PDE7A: variants seen among roughly 807,000 people sequenced by gnomAD.
The protein encoded by PDE7A is high affinity 3',5'-cyclic-AMP phosphodiesterase 7A.
Under a neutral mutation model 64.3 loss-of-function variants are expected in PDE7A, and 39 were observed. That is an observed-to-expected ratio of 0.61 (90% CI 0.47 to 0.79). The LOEUF is 0.79. Among genes scored for constraint, PDE7A ranks in the 30% least tolerant of loss-of-function variants. The pLI is 0.00. For missense variants in PDE7A, 470 were observed against 582.8 expected (o/e 0.81, Z 1.99); for synonymous variants, 203 against 206.8 (o/e 0.98, Z 0.16).
At chr8:65,744,655 G>C (rs1040529759) in intron 5 of PDE7A, among the ~76,000 whole-genome samples, 2 of 151,986 alleles carry the variant, frequency 1.3e-5, no homozygotes, top group African/African-American at 2.4e-5. Flanking sequence ...CTTTGGTCAG[G>C]AAACAGGCAT....
chr8:65,822,984 AAAAT>A lies in PDE7A; in HGVS notation c.138+18383_138+18386del, dbSNP rs948262595. 3.9e-5 allele frequency among the ~76,000 whole-genome samples: 6 copies of A among 152,298 alleles called. No individual in the cohort carries two copies. The East Asian group carries it at 9.6e-4, about 24-fold the overall frequency. ...ATCTATATACACAAACACTCTATGG[AAAAT>A]AAATAAAACTAGGATCAAAAAAATT... On this transcript the variant is annotated intron_variant, in intron 1 of 12. Transcript: ENST00000401827.
At chr8:65,769,835 G>A (rs1808991281) in intron 3 of PDE7A, among the ~76,000 whole-genome samples, 1 of 152,164 alleles carries the variant, frequency 6.6e-6, no homozygotes, top group African/African-American at 2.4e-5. Flanking sequence ...AGTGGAGATT[G>A]CAATGAGCCA....
rs539682837 is a variant in PDE7A at position 65,797,572 on chromosome 8, G to T, written c.139-14729C>A. Among the ~76,000 whole-genome samples the T allele has an allele frequency of 2.0e-5, 3 of 152,232 alleles. No individual in the cohort carries two copies. The South Asian group carries it at 6.2e-4, about 32-fold the overall frequency. On this transcript the variant is annotated intron_variant, in intron 1 of 12. Transcript: ENST00000401827. ...ATTTCTGTTGTTTTAAGCCACCGAG[G>T]TTTTGATACTTTGTTTTAACAGCCC...
At chr8:65,741,177 T>C (rs962990665) in intron 5 of PDE7A, among the ~76,000 whole-genome samples, 2 of 152,230 alleles carry the variant, frequency 1.3e-5, no homozygotes, top group African/African-American at 4.8e-5. Context: ...AACAATTAAA[T>C]AGACCACGTT....
chr8:65,782,678 T>C, intron 2 of PDE7A, 105 bp downstream of exon 2: 2 of 653,594 alleles, frequency 3.1e-6, no homozygotes, highest in Non-Finnish European at 2.7e-6. Flanking sequence ...TTATTTCTAC[T>C]ACAAACAGTG....
intron 3 of PDE7A, among the ~76,000 whole-genome samples, chr8:65,771,691 A>C (rs1809091245): frequency 6.6e-6 from 1 of 151,976 alleles, no homozygotes; most frequent in South Asian, 2.1e-4. Flanking sequence ...CCTGGCCAAC[A>C]TGGTGAAACC....
chr8:65,839,175 T>C (rs777987275), intron 1 of PDE7A, among the ~76,000 whole-genome samples: 47 of 152,074 alleles, frequency 3.1e-4, no homozygotes, highest in Non-Finnish European at 6.2e-4. Context: ...GTTTTAAGCA[T>C]ATTTTAAAGT....
intron 7 of PDE7A, among the ~76,000 whole-genome samples, chr8:65,729,329 G>T (rs1169917769): frequency 7.4e-6 from 1 of 134,246 alleles, no homozygotes; most frequent in African/African-American, 2.8e-5. Context: ...ATTTCCCATT[G>T]TAATGGTTAT....
intron 3 of PDE7A, among the ~76,000 whole-genome samples, chr8:65,768,973 C>G (rs541296017): frequency 6.6e-6 from 1 of 152,066 alleles, no homozygotes; most frequent in Non-Finnish European, 1.5e-5. Context: ...CATGGCCAGG[C>G]GAGGTGGCTC....
At chr8:65,827,892 CAT>C (rs757004794) in intron 1 of PDE7A, among the ~76,000 whole-genome samples, 4 of 152,262 alleles carry the variant, frequency 2.6e-5, no homozygotes, top group Admixed American at 1.3e-4. Context: ...TTAAGCGACA[CAT>C]GACTCTACTT....
chr8:65,832,336 TTA>T (rs1810847760), intron 1 of PDE7A, among the ~76,000 whole-genome samples: 1 of 152,002 alleles, frequency 6.6e-6, no homozygotes, highest in Non-Finnish European at 1.5e-5. Flanking sequence ...CATTTGTAAA[TTA>T]TGTTTTCAAT....
chr8:65,828,016 C>T (rs1262970671), intron 1 of PDE7A, among the ~76,000 whole-genome samples: 2 of 152,092 alleles, frequency 1.3e-5, no homozygotes, highest in African/African-American at 2.4e-5. Flanking sequence ...AGATTATTAA[C>T]TAACTAGACC....
At chr8:65,800,955 A>T (rs1000264033) in intron 1 of PDE7A, among the ~76,000 whole-genome samples, 1 of 152,212 alleles carries the variant, frequency 6.6e-6, no homozygotes, top group African/African-American at 2.4e-5. Flanking sequence ...CTTTCATTCG[A>T]GTCTAAAACA....
At chr8:65,779,905 C>A in intron 2 of PDE7A, 102 bp from the exon 3 acceptor site, 2 of 617,760 alleles carry the variant, frequency 3.2e-6, no homozygotes, top group Non-Finnish European at 5.6e-6. Context: ...TCATAAGTAA[C>A]AGCCCACTGA....
In PDE7A at chr8:65,841,962, G is replaced by C. The variant is rs979325228; in HGVS notation, c.-454C>G. On this transcript the variant is annotated 5_prime_UTR_variant, in exon 1 of 13. Coordinates refer to ENST00000401827, the MANE Select transcript of PDE7A (RefSeq NM_001242318.3). ...GGGACTCAGGAGCAGCGACCAGCTC[G>C]GGCCGCCGCCGCCGCCGCCGCCGCC... The C allele has an allele frequency of 3.2e-5, 7 of 220,304 alleles. No individual in the cohort carries two copies. Among genetic ancestry groups the C allele is most frequent in the Non-Finnish European group, 4.1e-5 (5 of 122,358 alleles). The allele number at this position is 220,304 out of a possible 1,614,324, so 13.6% of individuals were successfully genotyped here.
intron 7 of PDE7A, among the ~76,000 whole-genome samples, chr8:65,732,250 C>T (rs984157353): frequency 1.3e-5 from 2 of 152,110 alleles, no homozygotes; most frequent in Non-Finnish European, 2.9e-5. Context: ...TCACCAGCCT[C>T]GGCCTCCCAA....
intron 1 of PDE7A, among the ~76,000 whole-genome samples, chr8:65,832,789 T>C (rs557416252): frequency 6.6e-6 from 1 of 152,250 alleles, no homozygotes; most frequent in East Asian, 1.9e-4. Flanking sequence ...GCCCAGCCAG[T>C]ATCACATTTT....
chr8:65,738,886 A>C (rs1246586829), intron 6 of PDE7A, among the ~76,000 whole-genome samples: 1 of 152,254 alleles, frequency 6.6e-6, no homozygotes, highest in African/African-American at 2.4e-5. Context: ...TCTGTGGCCA[A>C]TGTAAGGAAC....
At chr8:65,823,373 C>T (rs956380786) in intron 1 of PDE7A, among the ~76,000 whole-genome samples, 5 of 152,060 alleles carry the variant, frequency 3.3e-5, no homozygotes, top group Non-Finnish European at 4.4e-5. Context: ...TTCAAATTGT[C>T]CTCTTGTATG....
Sources: allele counts gnomAD v4.1 joint callset (sites outside exome capture counted in the v4.1 genomes callset), GRCh38; gene constraint gnomAD v4.1.1; transcripts MANE v1.5; gene names NCBI Gene and HGNC (gene_info 2026-07-23, HGNC 2026-07-21).